The following LARS2 variants were observed in gnomAD, a reference collection of about 807,000 sequenced individuals.
The protein encoded by LARS2 is leucine--tRNA ligase, mitochondrial.
LARS2 carries 81 observed loss-of-function variants against 116.6 expected under a neutral mutation model. That is an observed-to-expected ratio of 0.69 (90% CI 0.58 to 0.84). The LOEUF (loss-of-function observed/expected upper bound fraction) is 0.84. LARS2 is among the 40% of genes least tolerant of loss of function. The probability of loss-of-function intolerance (pLI) is 0.00; values close to 1 mark genes in which losing one functional copy is unlikely to be tolerated. For synonymous variants in LARS2, 396 were observed against 407.2 expected (o/e 0.97, Z 0.33); for missense variants, 968 against 1,114.5 (o/e 0.87, Z 1.87).
intron 10 of LARS2, among the ~76,000 whole-genome samples, chr3:45,479,473 C>T (rs1365994875): frequency 3.9e-5 from 6 of 152,100 alleles, no homozygotes; most frequent in Non-Finnish European, 8.8e-5. Context: ...TGGAAGGCTG[C>T]GAGGGTGGAG....
chr3:45,498,061 A>G (rs1460005683), intron 14 of LARS2, among the ~76,000 whole-genome samples: 2 of 152,208 alleles, frequency 1.3e-5, no homozygotes, highest in East Asian at 1.9e-4. Context: ...CCTTCCCTCT[A>G]TAAGGGGCCA....
At chr3:45,498,205 C>T (rs1700050700) in intron 14 of LARS2, among the ~76,000 whole-genome samples, 2 of 152,212 alleles carry the variant, frequency 1.3e-5, no homozygotes, top group African/African-American at 4.8e-5. Flanking sequence ...GGAGAGACAT[C>T]CTGAGACCGT....
chr3:45,501,923 A>AT (rs921701314), intron 15 of LARS2, among the ~76,000 whole-genome samples: 16 of 151,494 alleles, frequency 1.1e-4, no homozygotes, highest in Admixed American at 8.6e-4. Flanking sequence ...CAAGACACCG[A>AT]TTTTTTTTTA....
chr3:45,521,426 G>C (rs1038274785), intron 19 of LARS2, among the ~76,000 whole-genome samples: 4 of 152,144 alleles, frequency 2.6e-5, no homozygotes, highest in Admixed American at 2.0e-4. Flanking sequence ...CAGAGCAGGA[G>C]ACTCTGTCTC....
At chr3:45,538,224 T>G (rs1700739044) in intron 20 of LARS2, 1 of 152,236 alleles carries the variant, frequency 6.6e-6, no homozygotes, top group African/African-American at 2.4e-5. Flanking sequence ...GGGCCCAGGC[T>G]ACTATAAATA....
Position 45,488,781 on chromosome 3 carries a change from A to T in LARS2, c.1208A>T (p.Asp403Val). ...TCTGAAGTCATTGAAACTTTGCCAG[A>T]TGGCACAGAGAGACTGAGCAGCTCT... ...AYSEVIETLP[D>V]GTERLSSSAE... is the part of the protein sequence containing the mutation. The change falls in exon 12 of 22, where the codon GAT (aspartate) becomes GTT (valine). Residue 403 changes from aspartate (D) to valine (V), a missense_variant. Coordinates refer to ENST00000645846, the MANE Select transcript of LARS2 (RefSeq NM_015340.4). The T allele has an allele frequency of 6.2e-7, 1 of 1,613,430 alleles. No individual in the cohort carries two copies.
intron 20 of LARS2, 24 bp from the exon 21 acceptor site, chr3:45,541,805 C>G (rs34191038): frequency 6.2e-7 from 1 of 1,613,064 alleles, no homozygotes; most frequent in South Asian, 1.1e-5. Flanking sequence ...AGTGACCCCA[C>G]GCTTCTGTGC....
chr3:45,497,406 C>T (rs555493071), intron 14 of LARS2, among the ~76,000 whole-genome samples: 141 of 152,200 alleles, frequency 9.3e-4, no homozygotes, highest in African/African-American at 3.3e-3. Context: ...AAAAACACAG[C>T]ATTGTGCTTA....
At chr3:45,416,076 TG>T in intron 4 of LARS2, among the ~76,000 whole-genome samples, 1 of 151,132 alleles carries the variant, frequency 6.6e-6, no homozygotes, top group East Asian at 2.0e-4. Flanking sequence ...TGGGTAGAGG[TG>T]GGGGTTTCCC....
intron 10 of LARS2, among the ~76,000 whole-genome samples, chr3:45,484,293 G>A (rs889905189): frequency 1.3e-4 from 20 of 151,770 alleles, no homozygotes; most frequent in Non-Finnish European, 2.5e-4. Flanking sequence ...AGTTATAACT[G>A]TTAATTGCTT....
chr3:45,440,571 C>T (rs969836025), intron 6 of LARS2, among the ~76,000 whole-genome samples: 4 of 147,134 alleles, frequency 2.7e-5, no homozygotes, highest in Non-Finnish European at 6.1e-5. Flanking sequence ...CATGTTGCCT[C>T]GGGTTTTTTG....
In LARS2 at chr3:45,465,772, C is replaced by A. The variant is rs148620905; in HGVS notation, c.750+6886C>A. ...CAGGTTTCCCTCCCTGAATGCAGGG[C>A]CTTCCTGCTGACCTCCCAGATGTCC... On this transcript the variant is annotated intron_variant, in intron 8 of 21. Transcript: ENST00000645846. Among the ~76,000 whole-genome samples, 64 of 152,332 alleles carry A rather than the reference C, an allele frequency of 4.2e-4. 1 individual carries two copies. The East Asian group carries it at 0.012, about 29-fold the overall frequency.
At chr3:45,500,298 G>C in intron 14 of LARS2, 144 bp from the exon 15 acceptor site, 1 of 850,348 alleles carries the variant, frequency 1.2e-6, no homozygotes, top group Non-Finnish European at 1.7e-6. Flanking sequence ...CACCGCGCCC[G>C]GCCTTCTCTT....
chr3:45,500,960 T>C (rs1293738403), intron 15 of LARS2, among the ~76,000 whole-genome samples: 1 of 151,874 alleles, frequency 6.6e-6, no homozygotes, highest in East Asian at 2.0e-4. Context: ...CCTTGATGCA[T>C]CCCTCTAAAA....
intron 7 of LARS2, among the ~76,000 whole-genome samples, chr3:45,454,037 G>A (rs1699177330): frequency 6.6e-6 from 1 of 152,102 alleles, no homozygotes; most frequent in Non-Finnish European, 1.5e-5. Context: ...GGGAGGCAAG[G>A]CAAGGAGGAT....
At chr3:45,420,205 AAATCAGTGGAG>A (rs1256935655) in intron 6 of LARS2, among the ~76,000 whole-genome samples, 3 of 152,210 alleles carry the variant, frequency 2.0e-5, no homozygotes, top group Non-Finnish European at 4.4e-5. Flanking sequence ...ACTGTACATT[AAATCAGTGGAG>A]AATCAGTGGA....
At chr3:45,527,621 C>T (rs1189037965) in intron 20 of LARS2, among the ~76,000 whole-genome samples, 1 of 148,762 alleles carries the variant, frequency 6.7e-6, no homozygotes, top group Non-Finnish European at 1.5e-5. Context: ...GAGACTCCGT[C>T]TCAAAAAAAA....
Position 45,458,781 on chromosome 3 carries a change from T to A in LARS2, c.645T>A (p.Leu215=). 3 of 1,614,190 alleles carry A rather than the reference T, an allele frequency of 1.9e-6. No individual in the cohort carries two copies. Among genetic ancestry groups the A allele is most frequent in the Non-Finnish European group, 2.5e-6 (3 of 1,180,014 alleles). The change falls in exon 8 of 22, where the codon CTT becomes CTA. Residue 215 remains leucine (L), a synonymous_variant. Coordinates refer to ENST00000645846, the MANE Select transcript of LARS2 (RefSeq NM_015340.4). ...VNWDPVDQTV[L]ANEQVDEHGC... ...GGGACCCAGTGGATCAAACAGTGCT[T>A]GCCAATGAGCAGGTGGATGAACATG...
At chr3:45,454,203 G>T (rs1262766975) in intron 7 of LARS2, among the ~76,000 whole-genome samples, 1 of 152,158 alleles carries the variant, frequency 6.6e-6, no homozygotes, top group African/African-American at 2.4e-5. Context: ...TGATCCCCAA[G>T]GGAGCCCAAA....
Sources: gnomAD v4.1 joint callset for allele counts (sites outside exome capture counted in the v4.1 genomes callset) on GRCh38, gnomAD v4.1.1 for gene constraint, MANE v1.5 for transcripts, NCBI Gene and HGNC (gene_info 2026-07-23, HGNC 2026-07-21) for gene names.